VILL: variants seen among roughly 807,000 people sequenced by gnomAD.
VILL encodes villin-like protein.
Under a neutral mutation model 106.3 loss-of-function variants are expected in VILL, and 102 were observed. The observed-to-expected ratio is 0.96, with a 90% CI of 0.82 to 1.13. The LOEUF (loss-of-function observed/expected upper bound fraction) is 1.13. Among genes scored for constraint, VILL ranks in the 50% most tolerant of loss-of-function variants. The pLI is 0.00. For synonymous variants in VILL, 431 were observed against 440.3 expected (o/e 0.98, Z 0.27); for missense variants, 1,076 against 1,116.6 (o/e 0.96, Z 0.52).
chr3:38,006,818 C>A, intron 19 of VILL, 118 bp downstream of exon 19: 1 of 1,527,538 alleles, frequency 6.5e-7, no homozygotes, highest in Non-Finnish European at 8.9e-7. Flanking sequence ...TGTCTTCTAG[C>A]TGGGGTGGTG....
intron 5 of VILL, among the ~76,000 whole-genome samples, chr3:37,996,711 C>T (rs371612576): frequency 1.6e-4 from 25 of 152,338 alleles, no homozygotes; most frequent in Middle Eastern, 3.4e-3. Flanking sequence ...CCCTTTTACT[C>T]TCAAAAGTGT....
At chr3:37,999,472 G>A in intron 11 of VILL, 33 bp downstream of exon 11, 1 of 1,435,858 alleles carries the variant, frequency 7.0e-7, no homozygotes, top group Non-Finnish European at 9.2e-7. Context: ...GGGGAAGATG[G>A]GCACACGGAG....
intron 16 of VILL, among the ~76,000 whole-genome samples, chr3:38,005,296 T>C (rs907257640): frequency 8.5e-5 from 13 of 152,178 alleles, no homozygotes; most frequent in African/African-American, 2.9e-4. Flanking sequence ...TCACTGCTTC[T>C]GCTGCAGCCA....
upstream of VILL, among the ~76,000 whole-genome samples, chr3:37,988,700 CA>C (rs1473908707): frequency 6.6e-6 from 1 of 151,992 alleles, no homozygotes; most frequent in Non-Finnish European, 1.5e-5. Context: ...CCGTCTCTAC[CA>C]AAAATACAAA....
At chr3:37,995,207 A>G (rs59658035) in intron 4 of VILL, among the ~76,000 whole-genome samples, 24,419 of 152,306 alleles carry the variant, frequency 0.16, 2,053 homozygotes, top group South Asian at 0.26. Flanking sequence ...GTTTTAAATT[A>G]ACACTAGCAA....
intron 15 of VILL, 159 bp from the exon 16 acceptor site, chr3:38,004,096 G>A (rs1360117036): frequency 1.1e-6 from 1 of 915,800 alleles, no homozygotes; most frequent in Non-Finnish European, 1.6e-6. Flanking sequence ...TGTACCCAGA[G>A]CAGAGCGGAG....
At chr3:37,999,844 A>G (rs576275151) in intron 11 of VILL, among the ~76,000 whole-genome samples, 1 of 152,330 alleles carries the variant, frequency 6.6e-6, no homozygotes, top group South Asian at 2.1e-4. Context: ...GTCACACACA[A>G]CCATCAATCC....
intron 11 of VILL, among the ~76,000 whole-genome samples, chr3:38,000,675 C>T (rs1699796097): frequency 6.6e-6 from 1 of 152,186 alleles, no homozygotes; most frequent in Non-Finnish European, 1.5e-5. Context: ...AGCCAGGGGT[C>T]CTGGCTGCCC....
At chr3:38,002,100 C>A (rs1478108503) in intron 13 of VILL, 3 of 697,704 alleles carry the variant, frequency 4.3e-6, no homozygotes, top group Non-Finnish European at 7.1e-6. Context: ...TTGCCTGGGG[C>A]TGCACACTAG....
At position 37,993,571 on chromosome 3, in the gene VILL, A is replaced by G; in HGVS notation, c.-86-16A>G. On this transcript the variant is annotated splice_polypyrimidine_tract_variant and intron_variant, in intron 1 of 19. Coordinates refer to ENST00000383759, the MANE Select transcript of VILL (RefSeq NM_015873.4). ...TTACAGAGCCCTCCTAATAAAAGTC[A>G]TGTTCTATAATGAAGTTGTACAGGT... The G allele has an allele frequency of 4.7e-6, 5 of 1,057,180 alleles. No individual in the cohort carries two copies. Among genetic ancestry groups the G allele is most frequent in the Non-Finnish European group, 7.0e-6 (5 of 711,742 alleles). The allele number at this position is 1,057,180 out of a possible 1,614,324, so 65.5% of individuals were successfully genotyped here.
Position 37,998,139 on chromosome 3 carries a change from C to G in VILL, c.814C>G (p.Pro272Ala), listed in dbSNP as rs369610074. 1.9e-6 allele frequency: 3 copies of G among 1,613,730 alleles called. No homozygotes were observed. Among genetic ancestry groups the G allele is most frequent in the South Asian group, 1.1e-5 (1 of 91,034 alleles). Residue 272 changes from proline (P) to alanine (A), a missense_variant, in exon 8 of 20, where the codon CCA becomes GCA. Coordinates refer to ENST00000383759, the MANE Select transcript of VILL (RefSeq NM_015873.4). The surrounding 1 kb of genome is among the most constrained non-coding windows in gnomAD (Gnocchi z 4.1). ...DLVVLELATP[P>A]LTQDLLQEED... ...GGTGGTCCTGGAGTTGGCGACCCCC[C>G]CACTGACCCAGGACCTGCTGCAGGA... is the stretch of plus-strand genomic sequence containing the variant.
At chr3:38,001,895 C>T in intron 13 of VILL, 35 bp downstream of exon 13, 3 of 1,613,750 alleles carry the variant, frequency 1.9e-6, no homozygotes, top group Non-Finnish European at 2.5e-6. Context: ...CCACAGCCTG[C>T]CCAGTTCTGC....
chr3:38,003,259 C>T lies in VILL; in HGVS notation c.1751C>T (p.Pro584Leu), dbSNP rs1575339432. 3 of 1,613,760 alleles carry T rather than the reference C, an allele frequency of 1.9e-6. No individual in the cohort carries two copies. The highest frequency in any genetic ancestry group is 2.5e-6 in the Non-Finnish European group (3 of 1,179,862). ...NEETVLEGQE[P>L]PHFWEALGGR... ...GAAACGGTGCTGGAGGGTCAGGAGC[C>T]TCCCCACTTCTGGGAGGCCCTGGGA... The change falls in exon 15 of 20, where the codon CCT becomes CTT. Residue 584 changes from proline (P) to leucine (L), a missense_variant. Pro to Leu is a moderately conservative substitution (Grantham distance 98, BLOSUM62 -3). Coordinates refer to ENST00000383759, the MANE Select transcript of VILL (RefSeq NM_015873.4).
At chr3:38,005,578 G>C (rs1237621563) in intron 16 of VILL, among the ~76,000 whole-genome samples, 1 of 152,216 alleles carries the variant, frequency 6.6e-6, no homozygotes, top group East Asian at 1.9e-4. Context: ...AAAATGTGTG[G>C]ATTGAACGTG....
At position 37,994,425 on chromosome 3, in the gene VILL, C is replaced by G; in HGVS notation, c.300C>G (p.His100Gln). 6.2e-7 allele frequency: 1 copy of G among 1,612,736 alleles called. No homozygotes were observed. The highest frequency in any genetic ancestry group is 8.5e-7 in the Non-Finnish European group (1 of 1,179,884). The change falls in exon 4 of 20, where the codon CAC becomes CAG. Residue 100 changes from histidine (H) to glutamine (Q), a missense_variant. Transcript: ENST00000383759. ...TGCTGCACCGCGAGGCGCAGGGCCA[C>G]GAGTCCGACTGCTTCTGCAGCTACT... ...QTVLHREAQGHESDCFCSYFR... is the reference protein window; with the variant it reads ...QTVLHREAQGQESDCFCSYFR...
Position 37,993,607 on chromosome 3 carries a change from C to CTCGGT in VILL, c.-66_-65insTCGGT. ...TGAAGTTGTACAGGTAGCCAGGTGT[C>CTCGGT]GGTCTCCAGCCTGAGAACTCTGGCT... On this transcript the variant is annotated 5_prime_UTR_variant, in exon 2 of 20. Coordinates refer to ENST00000383759, the MANE Select transcript of VILL (RefSeq NM_015873.4). 6.6e-7 allele frequency: 1 copy of CTCGGT among 1,514,262 alleles called. No individual in the cohort carries two copies. The allele number at this position is 1,514,262 out of a possible 1,614,324, so 93.8% of individuals were successfully genotyped here. A position where few individuals can be genotyped will look rare whatever the true frequency, so the allele number is the denominator to read the frequency against.
chr3:37,998,281 G>T lies in VILL; in HGVS notation c.859G>T (p.Asp287Tyr), dbSNP rs1699743650. The T allele has an allele frequency of 1.9e-6, 3 of 1,614,160 alleles. No homozygotes were observed. In the East Asian group the frequency reaches 6.7e-5, roughly 36 times the overall value. Reference protein sequence around the residue: ...LLQEEDFYILDQGGFKIYVWQ... With the variant: ...LLQEEDFYILYQGGFKIYVWQ... ...TTGCTCCCAGGACTTCTACATCCTG[G>T]ACCAGGGTGGCTTCAAGATCTATGT... Residue 287 changes from aspartate to tyrosine, a missense_variant, in exon 9 of 20, where the codon GAC (aspartate) becomes TAC (tyrosine). Physicochemically the swap from Asp to Tyr is radical, Grantham distance 160. Coordinates refer to ENST00000383759, the MANE Select transcript of VILL (RefSeq NM_015873.4). This position sits in a 1 kb window ranked among gnomAD's most constrained non-coding sequence, Gnocchi z 4.1.
intron 19 of VILL, 120 bp downstream of exon 19, chr3:38,006,820 G>A: frequency 6.6e-7 from 1 of 1,524,354 alleles, no homozygotes. Context: ...TCTTCTAGCT[G>A]GGGTGGTGGG....
rs374173647 is a variant in VILL, at chr3:37,995,907, G to A, written c.450+60G>A. The A allele has an allele frequency of 1.9e-5, 27 of 1,415,138 alleles. No individual in the cohort carries two copies. The Admixed American group carries it at 4.1e-4, about 22-fold the overall frequency. The allele number at this position is 1,415,138 out of a possible 1,614,324, so 87.7% of individuals were successfully genotyped here. A position where few individuals can be genotyped will look rare whatever the true frequency, so the allele number is the denominator to read the frequency against. ...CTCGGCTCAGACTGGGTGTACTGAG[G>A]TATAAGGAGGTTGGAAATTGGCTGG... is the stretch of plus-strand genomic sequence containing the variant. On this transcript the variant is annotated intron_variant, in intron 5 of 19. Transcript: ENST00000383759.
Sources: allele counts gnomAD v4.1 joint callset (sites outside exome capture counted in the v4.1 genomes callset), GRCh38; gene constraint gnomAD v4.1.1; non-coding constraint Gnocchi (gnomAD v3.1); transcripts MANE v1.5; gene names NCBI Gene and HGNC (gene_info 2026-07-23, HGNC 2026-07-21).